MAPRE3: variants seen among roughly 807,000 people sequenced by gnomAD.
MAPRE3 encodes the protein microtubule associated protein RP/EB family member 3, also known as microtubule-associated protein RP/EB family member 3.
Under a neutral mutation model 30.5 loss-of-function variants are expected in MAPRE3, and 2 were observed. The observed-to-expected ratio is 0.07, with a 90% CI of 0.03 to 0.21. The LOEUF (loss-of-function observed/expected upper bound fraction) is 0.21, where lower values mean the gene tolerates loss of function less well. Ranked by LOEUF, MAPRE3 falls within the 10% of genes least tolerant of loss-of-function variation. The pLI is 1.00. For synonymous variants in MAPRE3, 110 were observed against 127.7 expected (o/e 0.86, Z 0.93); for missense variants, 204 against 351.8 (o/e 0.58, Z 3.36).
rs890994935 is a variant in MAPRE3, at chr2:27,015,102, A to G, written c.-7-7110A>G. 2.6e-5 allele frequency: 4 copies of G among 152,238 alleles called. No homozygotes were observed. Among genetic ancestry groups the G allele is most frequent in the African/African-American group, 9.7e-5 (4 of 41,448 alleles). The allele number at this position is 152,238 out of a possible 1,614,324, so 9.4% of individuals were successfully genotyped here. On this transcript the variant is annotated intron_variant, in intron 1 of 6. Coordinates refer to ENST00000233121, the MANE Select transcript of MAPRE3 (RefSeq NM_012326.4). The surrounding 1 kb of genome is among the most constrained non-coding windows in gnomAD (Gnocchi z 4.0). ...GTCTCAAGGCAAAGCAGCAGAGAAA[A>G]GTTCTGTAGTCTGTCTCCTTTCTGG...
intron 1 of MAPRE3, chr2:27,003,037 C>T (rs1355416431): frequency 6.6e-6 from 1 of 152,264 alleles, no homozygotes; most frequent in African/African-American, 2.4e-5. Context: ...TATTAAGCTG[C>T]TTTTGAGACG....
rs958853376 is a variant in MAPRE3 at position 26,998,650 on chromosome 2, C to T, written c.-7-23562C>T. On this transcript the variant is annotated intron_variant, in intron 1 of 6. Coordinates refer to ENST00000233121, the MANE Select transcript of MAPRE3 (RefSeq NM_012326.4). ...CCAGCCCTGGGGAAGCTCCTAGTGACGTGGAAGAAATAGACATACTTCTGT... is the reference window on the plus strand; with the variant it reads ...CCAGCCCTGGGGAAGCTCCTAGTGATGTGGAAGAAATAGACATACTTCTGT... Among the ~76,000 whole-genome samples the T allele has an allele frequency of 9.9e-5, 15 of 152,122 alleles. 1 individual carries two copies. The highest frequency in any genetic ancestry group is 1.5e-4 in the Non-Finnish European group (10 of 68,026).
chr2:26,984,442 G>A (rs1298593070), intron 1 of MAPRE3, among the ~76,000 whole-genome samples: 1 of 152,022 alleles, frequency 6.6e-6, no homozygotes, highest in African/African-American at 2.4e-5. Flanking sequence ...TTTTTCATTT[G>A]TAGAAAAATT....
intron 1 of MAPRE3, among the ~76,000 whole-genome samples, chr2:27,018,525 G>A (rs1667037101): frequency 6.6e-6 from 1 of 152,118 alleles, no homozygotes; most frequent in Non-Finnish European, 1.5e-5. Flanking sequence ...TGGTTATACT[G>A]TTCTCATGTG....
At chr2:27,012,642 G>A (rs1194082970) in intron 1 of MAPRE3, 1 of 152,724 alleles carries the variant, frequency 6.5e-6, no homozygotes, top group African/African-American at 2.4e-5. Flanking sequence ...GTCTCCACGT[G>A]GGGTTAGTCC....
chr2:27,012,017 G>C (rs1666869804), intron 1 of MAPRE3: 1 of 151,710 alleles, frequency 6.6e-6, no homozygotes, highest in African/African-American at 2.4e-5. Context: ...AGACCAGCCT[G>C]GCCAATATGG....
chr2:26,983,259 G>A (rs528921330), intron 1 of MAPRE3, among the ~76,000 whole-genome samples: 1 of 152,318 alleles, frequency 6.6e-6, no homozygotes, highest in African/African-American at 2.4e-5. Flanking sequence ...AGGTATGGAT[G>A]ACTAGATCTT....
intron 1 of MAPRE3, among the ~76,000 whole-genome samples, chr2:26,997,143 CT>C (rs1298663816): frequency 6.6e-6 from 1 of 152,022 alleles, no homozygotes; most frequent in Non-Finnish European, 1.5e-5. Flanking sequence ...AGTCCCCAAC[CT>C]TTTTGGCACC....
chr2:26,990,339 T>G (rs1431470905), intron 1 of MAPRE3, among the ~76,000 whole-genome samples: 1 of 152,162 alleles, frequency 6.6e-6, no homozygotes, highest in East Asian at 1.9e-4. Flanking sequence ...ACTCAGTCCT[T>G]CCTATGCATG....
intron 1 of MAPRE3, among the ~76,000 whole-genome samples, chr2:26,999,942 A>G (rs1666555893): frequency 6.6e-6 from 1 of 152,164 alleles, no homozygotes; most frequent in Admixed American, 6.5e-5. Context: ...TTTTTTCCAC[A>G]TTATCATTAT....
chr2:26,971,488 C>T (rs558949036), intron 1 of MAPRE3, among the ~76,000 whole-genome samples: 3 of 152,266 alleles, frequency 2.0e-5, no homozygotes, highest in African/African-American at 7.2e-5. Context: ...GAGCTACTGC[C>T]CGGCCGGTGT....
intron 1 of MAPRE3, chr2:26,995,458 A>G (rs1666430696): frequency 6.6e-6 from 1 of 152,230 alleles, no homozygotes; most frequent in African/African-American, 2.4e-5. Flanking sequence ...TTATTCTTCT[A>G]GAAAGTAAGG....
At position 27,026,731 on chromosome 2, in the gene MAPRE3, A is replaced by G. The variant is rs1048483959; in HGVS notation, c.*383A>G. 1.0e-3 allele frequency: 186 copies of G among 184,614 alleles called. No individual in the cohort carries two copies. Among genetic ancestry groups the G allele is most frequent in the African/African-American group, 4.2e-3 (179 of 42,362 alleles). The allele number at this position is 184,614 out of a possible 1,614,324, so 11.4% of individuals were successfully genotyped here. On this transcript the variant is annotated 3_prime_UTR_variant, in exon 7 of 7. Coordinates refer to ENST00000233121, the MANE Select transcript of MAPRE3 (RefSeq NM_012326.4). Reference sequence around the variant, plus strand: ...ACTTACTGGATTCTCCTTGCACTTTACCTGTTCTTTTCCAGAGCTGACAGC... The same window carrying G: ...ACTTACTGGATTCTCCTTGCACTTTGCCTGTTCTTTTCCAGAGCTGACAGC...
At chr2:26,995,780 G>GGGGTGT (rs1433584791) in intron 1 of MAPRE3, among the ~76,000 whole-genome samples, 2 of 109,694 alleles carry the variant, frequency 1.8e-5, no homozygotes, top group South Asian at 3.9e-4. Flanking sequence ...TTCTAAGAGA[G>GGGGTGT]GTGTGTGTGT....
chr2:26,982,050 TCTC>T (rs1174737128), intron 1 of MAPRE3, among the ~76,000 whole-genome samples: 1 of 152,234 alleles, frequency 6.6e-6, no homozygotes. Context: ...CCAGCCCTCA[TCTC>T]CTCCACAAGG....
intron 1 of MAPRE3, among the ~76,000 whole-genome samples, chr2:26,991,213 C>T (rs892174577): frequency 7.2e-5 from 11 of 152,108 alleles, no homozygotes; most frequent in Admixed American, 4.6e-4. Flanking sequence ...GAGTTCGTGC[C>T]ACTGCACTCC....
intron 1 of MAPRE3, among the ~76,000 whole-genome samples, chr2:26,991,898 C>T (rs971038077): frequency 2.0e-5 from 3 of 152,116 alleles, no homozygotes; most frequent in Non-Finnish European, 2.9e-5. Flanking sequence ...AAATAACTTG[C>T]GTAAATCATG....
intron 1 of MAPRE3, among the ~76,000 whole-genome samples, chr2:26,973,863 T>C (rs1330359146): frequency 3.3e-5 from 5 of 152,216 alleles, no homozygotes; most frequent in Non-Finnish European, 7.3e-5. Context: ...CCAGAAAATA[T>C]AGTTTTTTAA....
intron 1 of MAPRE3, among the ~76,000 whole-genome samples, chr2:26,994,326 C>T (rs761180796): frequency 2.0e-5 from 3 of 152,172 alleles, no homozygotes; most frequent in Non-Finnish European, 2.9e-5. Flanking sequence ...GTAATCAGAG[C>T]TTGATTTATA....
Sources: gnomAD v4.1 joint callset for allele counts (sites outside exome capture counted in the v4.1 genomes callset) on GRCh38, gnomAD v4.1.1 for gene constraint, Gnocchi (gnomAD v3.1) non-coding constraint, MANE v1.5 for transcripts, NCBI Gene and HGNC (gene_info 2026-07-23, HGNC 2026-07-21) for gene names.